The following CT47C1 variants were observed in gnomAD, a reference collection of about 807,000 sequenced individuals.
CT47C1 encodes cancer/testis antigen family 47 member C1.
At chrX:119,074,197 T>C in the CT47C1 span, 1 of 392,799 alleles carries the variant, frequency 2.5e-6, no homozygotes, top group East Asian at 3.9e-5. Flanking sequence ...GGGTCGGGCC[T>C]CGGGTGGTGA....
chrX:119,073,735 G>T, the CT47C1 span: 1 of 770,273 alleles, frequency 1.3e-6, no homozygotes, highest in South Asian at 2.4e-5. Flanking sequence ...AAGAGCCCCG[G>T]CTGTTGCTGG....
chrX:119,074,527 T>G, the CT47C1 span, among the ~76,000 whole-genome samples: 6 of 110,961 alleles, frequency 5.4e-5, no homozygotes, highest in East Asian at 1.1e-3. Flanking sequence ...AATGATGAAG[T>G]GATACAGGGG....
chrX:119,073,819 G>T, the CT47C1 span: 1 of 878,648 alleles, frequency 1.1e-6, no homozygotes, highest in Non-Finnish European at 1.7e-6. Flanking sequence ...AGGCCGCGTT[G>T]GTCCCAGAGC....
chrX:119,073,139 C>T, the CT47C1 span: 1 of 424,127 alleles, frequency 2.4e-6, no homozygotes, highest in Admixed American at 4.2e-5. Context: ...CTCACCTCCC[C>T]TCAGCCACAG....
chrX:119,074,868 G>A, the CT47C1 span: 2 of 882,346 alleles, frequency 2.3e-6, no homozygotes, highest in African/African-American at 2.0e-5. Flanking sequence ...CTTCTCCTGA[G>A]GGTGGAGTAC....
chrX:119,076,367 A>G, the CT47C1 span: 1 of 112,784 alleles, frequency 8.9e-6, no homozygotes, highest in Non-Finnish European at 1.9e-5. Flanking sequence ...AGTTTGTTTT[A>G]AATGAATAAA....
chrX:119,074,163 C>T, the CT47C1 span: 1 of 418,643 alleles, frequency 2.4e-6, no homozygotes, highest in Non-Finnish European at 4.1e-6. Context: ...GTGCGCACAG[C>T]TGGTGAAGCA....
chrX:119,074,839 A>T, the CT47C1 span: 1 of 809,317 alleles, frequency 1.2e-6, no homozygotes, highest in Non-Finnish European at 1.7e-6. Flanking sequence ...TTCCTTTCTT[A>T]GTTAAGTCTA....
chrX:119,074,562 G>A, the CT47C1 span, among the ~76,000 whole-genome samples: 5 of 111,510 alleles, frequency 4.5e-5, no homozygotes, highest in Non-Finnish European at 9.4e-5. Context: ...GAAACATTCA[G>A]GGGGGTGAGG....
At chrX:119,073,445 G>A in the CT47C1 span, 217 of 513,737 alleles carry the variant, frequency 4.2e-4, no homozygotes, top group Non-Finnish European at 7.2e-4. Flanking sequence ...GGGTGGGAAC[G>A]CCGAGGAAGA....
the CT47C1 span, chrX:119,074,122 T>C: frequency 2.1e-6 from 1 of 482,256 alleles, no homozygotes; most frequent in East Asian, 3.3e-5. Context: ...CAGGGACCCG[T>C]GCACCCAAGG....
At chrX:119,074,077 G>C in the CT47C1 span, 52 of 510,015 alleles carry the variant, frequency 1.0e-4, no homozygotes, top group Middle Eastern at 3.7e-4. Flanking sequence ...CTGCCCCTGA[G>C]GGTGAGGAAC....
chrX:119,073,567 G>A, the CT47C1 span: 6,127 of 523,959 alleles, frequency 0.012, 231 homozygotes, highest in African/African-American at 0.12. Context: ...ACTTGGTCGC[G>A]GCCGCCCGTC....
At chrX:119,074,816 AG>A in the CT47C1 span, 1 of 745,493 alleles carries the variant, frequency 1.3e-6, no homozygotes. Flanking sequence ...ACCAGTAGGA[AG>A]GTGCCCAGCT....
the CT47C1 span, among the ~76,000 whole-genome samples, chrX:119,074,604 T>C: frequency 9.0e-6 from 1 of 111,714 alleles, no homozygotes; most frequent in Non-Finnish European, 1.9e-5. Flanking sequence ...AATTTGTCTT[T>C]TGAGGCAACA....
the CT47C1 span, chrX:119,074,044 G>A: frequency 1.8e-6 from 1 of 545,855 alleles, no homozygotes; most frequent in Non-Finnish European, 3.1e-6. Context: ...AGTCCGCAGA[G>A]GAACCGGCCA....
the CT47C1 span, chrX:119,073,305 C>A: frequency 2.0e-6 from 1 of 511,523 alleles, no homozygotes; most frequent in South Asian, 2.8e-5. Context: ...CAGGCCGAGG[C>A]CGTAGGTGAC....
chrX:119,073,395 A>G, the CT47C1 span: 1 of 532,380 alleles, frequency 1.9e-6, no homozygotes, highest in Non-Finnish European at 3.4e-6. Flanking sequence ...CTCGGGGAGG[A>G]GGAGGGTGAG....
At chrX:119,073,822 C>T in the CT47C1 span, 4 of 877,341 alleles carry the variant, frequency 4.6e-6, no homozygotes, top group Non-Finnish European at 6.6e-6. Context: ...CCGCGTTGGT[C>T]CCAGAGCCTG....
Sources: gnomAD v4.1 joint callset for allele counts (sites outside exome capture counted in the v4.1 genomes callset) on GRCh38, gnomAD v4.1.1 for gene constraint, MANE v1.5 for transcripts, NCBI Gene and HGNC (gene_info 2026-07-23, HGNC 2026-07-21) for gene names.